Variants in TIMM44 observed in about 807,000 individuals in gnomAD.
TIMM44 encodes the protein mitochondrial import inner membrane translocase subunit TIM44.
A neutral mutation model predicts 63.8 loss-of-function variants in TIMM44; 37 were observed. The observed-to-expected ratio is 0.58, with a 90% CI of 0.45 to 0.76. The LOEUF is 0.76. TIMM44 is among the 30% of genes least tolerant of loss of function. The pLI is 0.00. For synonymous variants in TIMM44, 239 were observed against 245.1 expected (o/e 0.98, Z 0.23); for missense variants, 573 against 603.8 (o/e 0.95, Z 0.54).
chr19:7,928,728 T>C (rs1346425385), intron 10 of TIMM44: 1 of 151,002 alleles, frequency 6.6e-6, no homozygotes, highest in Non-Finnish European at 1.5e-5. Flanking sequence ...TTTATGGAAA[T>C]GACTGATCCG....
chr19:7,933,690 C>T lies in TIMM44; in HGVS notation c.684-120G>A. The T allele has an allele frequency of 7.8e-7, 1 of 1,275,824 alleles. No homozygotes were observed. 79.0% of individuals were successfully genotyped at this position (1,275,824 alleles called of 1,614,324 possible). A position where few individuals can be genotyped will look rare whatever the true frequency, so the allele number is the denominator to read the frequency against. ...GCAGCTGAGACCTCAAACCTAGGGG[C>T]TCTGAGGACCCCGCCCTCACCTCTC... On this transcript the variant is annotated intron_variant, in intron 6 of 12. Transcript: ENST00000270538. This position sits in a 1 kb window ranked among gnomAD's most constrained non-coding sequence, Gnocchi z 4.3.
intron 2 of TIMM44, among the ~76,000 whole-genome samples, chr19:7,938,849 A>G (rs929651760): frequency 1.3e-5 from 2 of 152,138 alleles, no homozygotes; most frequent in Non-Finnish European, 2.9e-5. Context: ...AGCAAGAAAT[A>G]TGCTCTCAAG....
Position 7,932,658 on chromosome 19 carries a change from C to T in TIMM44, c.956G>A (p.Cys319Tyr), listed in dbSNP as rs1291627012. ...AFDKDRFLKQ[C>Y]ENDIIPNVLE... The stretch of plus-strand genomic sequence containing the variant: ...GACATTGGGGATGATGTCGTTCTCG[C>T]ACTGTTTCAGAAACCGGTCCTTGTC... Residue 319 changes from cysteine (C) to tyrosine (Y), a missense_variant, in exon 9 of 13, where the codon TGC (cysteine) becomes TAC (tyrosine). Transcript: ENST00000270538. The T allele has an allele frequency of 1.2e-6, 2 of 1,614,108 alleles. No homozygotes were observed. The highest frequency in any genetic ancestry group is 8.5e-7 in the Non-Finnish European group (1 of 1,180,016).
At chr19:7,935,911 T>C (rs1437217048) in intron 3 of TIMM44, among the ~76,000 whole-genome samples, 1 of 152,158 alleles carries the variant, frequency 6.6e-6, no homozygotes, top group Non-Finnish European at 1.5e-5. Context: ...CCCAGCTCTT[T>C]GGGAAGCTGA....
intron 2 of TIMM44, 21 bp downstream of exon 2, chr19:7,941,081 C>T (rs764671550): frequency 1.9e-5 from 31 of 1,606,978 alleles, no homozygotes; most frequent in East Asian, 4.5e-5. Flanking sequence ...TCTGCTGGCC[C>T]GAGCATCCTG....
At chr19:7,941,063 C>G in intron 2 of TIMM44, 39 bp downstream of exon 2, 1 of 1,561,216 alleles carries the variant, frequency 6.4e-7, no homozygotes, top group South Asian at 1.1e-5. Context: ...TTTCGGGCCT[C>G]CCCTGTGTCT....
intron 2 of TIMM44, among the ~76,000 whole-genome samples, chr19:7,939,204 C>T (rs1055955891): frequency 6.6e-6 from 1 of 152,056 alleles, no homozygotes; most frequent in Non-Finnish European, 1.5e-5. Context: ...TAATGCAGGA[C>T]GTGAAGAATA....
Position 7,927,711 on chromosome 19 carries a change from T to C in TIMM44, c.1185A>G (p.Ala395=), listed in dbSNP as rs1051527857. ...QGPVLIITFQ[A]QLVMVVRNPK... ...GGTTCCTGACCACCATCACCAGCTG[T>C]GCCTGGAAGGTGATGATCAGCACCG... Residue 395 remains alanine, a synonymous_variant, in exon 12 of 13, where the codon GCA becomes GCG. Coordinates refer to ENST00000270538, the MANE Select transcript of TIMM44 (RefSeq NM_006351.4). 1.2e-6 allele frequency: 2 copies of C among 1,613,236 alleles called. No individual in the cohort carries two copies. The highest frequency in any genetic ancestry group is 1.7e-6 in the Non-Finnish European group (2 of 1,180,004).
intron 1 of TIMM44, among the ~76,000 whole-genome samples, chr19:7,941,834 G>A (rs1984320626): frequency 6.6e-6 from 1 of 152,168 alleles, no homozygotes; most frequent in South Asian, 2.1e-4. Context: ...GGCACTCTAA[G>A]CTTCTATGCT....
At chr19:7,935,662 C>T (rs564434921) in intron 3 of TIMM44, among the ~76,000 whole-genome samples, 67 of 152,350 alleles carry the variant, frequency 4.4e-4, no homozygotes, top group Middle Eastern at 3.4e-3. Flanking sequence ...AGAAGGCCGG[C>T]AGACTCGGGT....
At chr19:7,941,221 AG>A in intron 1 of TIMM44, 24 bp from the exon 2 acceptor site, 1 of 1,566,458 alleles carries the variant, frequency 6.4e-7, no homozygotes, top group Non-Finnish European at 8.8e-7. Flanking sequence ...GAGAAGAGAA[AG>A]ATCCATTCTA....
chr19:7,929,698 C>G (rs560963641), intron 10 of TIMM44, among the ~76,000 whole-genome samples: 2,022 of 134,606 alleles, frequency 0.015, 33 homozygotes, highest in Admixed American at 0.053. Context: ...AGCCCCCCCC[C>G]AGTCATGTGG....
rs999552129 is a variant in TIMM44, at chr19:7,927,415, G to T, written c.1240-109C>A. The T allele has an allele frequency of 1.4e-5, 19 of 1,392,918 alleles. No individual in the cohort carries two copies. The South Asian group carries it at 2.1e-4, about 15-fold the overall frequency. 86.3% of individuals were successfully genotyped at this position (1,392,918 alleles called of 1,614,324 possible). A position where few individuals can be genotyped will look rare whatever the true frequency, so the allele number is the denominator to read the frequency against. Reference sequence around the variant, plus strand: ...AGGAGCCACCGGCAACTTCCCCAGGGGCTGGGAGCAGAGGCCAGCACAATT... The same window carrying T: ...AGGAGCCACCGGCAACTTCCCCAGGTGCTGGGAGCAGAGGCCAGCACAATT... On this transcript the variant is annotated intron_variant, in intron 12 of 12. Coordinates refer to ENST00000270538, the MANE Select transcript of TIMM44 (RefSeq NM_006351.4).
At chr19:7,938,339 T>C in intron 2 of TIMM44, 142 bp from the exon 3 acceptor site, 1 of 658,800 alleles carries the variant, frequency 1.5e-6, no homozygotes, top group South Asian at 2.0e-5. Flanking sequence ...ATCTCTTTTA[T>C]AATAATCATA....
At chr19:7,928,923 C>CAAAAAAAAAAAAAAAAAAAAAAAAAACA (rs758167153) in intron 10 of TIMM44, 4 of 70,058 alleles carry the variant, frequency 5.7e-5, no homozygotes, top group African/African-American at 6.7e-5. Context: ...AACAAAAAAC[C>CAAAAAAAAAAAAAAAAAAAAAAAAAACA]AAAAAAAAAA....
Position 7,933,685 on chromosome 19 carries a change from A to C in TIMM44, c.684-115T>G. On this transcript the variant is annotated intron_variant, in intron 6 of 12. Coordinates refer to ENST00000270538, the MANE Select transcript of TIMM44 (RefSeq NM_006351.4). The surrounding 1 kb of genome is among the most constrained non-coding windows in gnomAD (Gnocchi z 4.3). Reference sequence around the variant, plus strand: ...AGCAGGCAGCTGAGACCTCAAACCTAGGGGCTCTGAGGACCCCGCCCTCAC... The same window carrying C: ...AGCAGGCAGCTGAGACCTCAAACCTCGGGGCTCTGAGGACCCCGCCCTCAC... 2 of 1,267,612 alleles carry C rather than the reference A, an allele frequency of 1.6e-6. No individual in the cohort carries two copies. Among genetic ancestry groups the C allele is most frequent in the South Asian group, 2.4e-5 (2 of 83,034 alleles). 78.5% of individuals were successfully genotyped at this position (1,267,612 alleles called of 1,614,324 possible).
At chr19:7,941,019 C>T in intron 2 of TIMM44, 83 bp downstream of exon 2, 3 of 1,128,000 alleles carry the variant, frequency 2.7e-6, no homozygotes, top group Admixed American at 1.7e-5. Flanking sequence ...ACCTCTACAG[C>T]CCCACCCCTC....
At chr19:7,928,454 G>C (rs777473555) in intron 10 of TIMM44, 96 of 463,452 alleles carry the variant, frequency 2.1e-4, no homozygotes, top group Middle Eastern at 1.2e-3. Context: ...TCTACTCCCA[G>C]GGCTAAGCTG....
intron 12 of TIMM44, 22 bp from the exon 13 acceptor site, chr19:7,927,328 G>C: frequency 6.2e-7 from 1 of 1,607,154 alleles, no homozygotes; most frequent in South Asian, 1.1e-5. Context: ...GGTGGGAAGG[G>C]CACTGTTGAG....
Sources: gnomAD v4.1 joint callset for allele counts (sites outside exome capture counted in the v4.1 genomes callset) on GRCh38, gnomAD v4.1.1 for gene constraint, Gnocchi (gnomAD v3.1) non-coding constraint, MANE v1.5 for transcripts, NCBI Gene and HGNC (gene_info 2026-07-23, HGNC 2026-07-21) for gene names.